TLR6: variants seen among roughly 807,000 people sequenced by gnomAD.
The protein encoded by TLR6 is toll-like receptor 6.
Under a neutral mutation model 16.1 loss-of-function variants are expected in TLR6, and 9 were observed. The ratio of observed to expected loss-of-function variants is 0.56; its 90% CI spans 0.34 to 0.98. TLR6 has a LOEUF of 0.98. TLR6 is among the 50% of genes least tolerant of loss of function. The pLI is 0.02. For synonymous variants in TLR6, 340 were observed against 338.6 expected (o/e 1.00, Z -0.04); for missense variants, 786 against 921.0 (o/e 0.85, Z 1.90).
chr4:38,829,115 A>G (rs5743808), exon 2 of TLR6: 18,014 of 1,614,110 alleles, frequency 0.011, 649 homozygotes, highest in African/African-American at 0.09. Context: ...GAAACTCACA[A>G]TAGGATGGCA....
intron 1 of TLR6, among the ~76,000 whole-genome samples, chr4:38,849,957 C>T (rs1350606849): frequency 6.6e-6 from 1 of 151,614 alleles, no homozygotes; most frequent in African/African-American, 2.4e-5. Flanking sequence ...CCACACTGCA[C>T]TTATTGATAA....
upstream of TLR6, among the ~76,000 whole-genome samples, chr4:38,861,568 C>T (rs1441921855): frequency 7.9e-5 from 12 of 152,202 alleles, no homozygotes; most frequent in Non-Finnish European, 1.5e-4. Flanking sequence ...AAATCCAGCT[C>T]TCCACTGGAC....
chr4:38,851,226 T>C (rs1306055556), intron 1 of TLR6, among the ~76,000 whole-genome samples: 2 of 152,192 alleles, frequency 1.3e-5, no homozygotes, highest in East Asian at 1.9e-4. Context: ...TGATGGGACG[T>C]ATCTCAAAAT....
exon 2 of TLR6, chr4:38,826,408 T>C (rs1727545785): frequency 6.6e-6 from 1 of 152,184 alleles, no homozygotes; most frequent in South Asian, 2.1e-4. Flanking sequence ...AAAAGTCCCA[T>C]TCAATATCCA....
intron 1 of TLR6, among the ~76,000 whole-genome samples, chr4:38,844,852 G>A (rs1712449671): frequency 6.6e-6 from 1 of 152,082 alleles, no homozygotes; most frequent in South Asian, 2.1e-4. Context: ...TAAGGAGTTC[G>A]AGACCAGCCT....
intron 1 of TLR6, among the ~76,000 whole-genome samples, chr4:38,837,569 C>G (rs1234366032): frequency 6.6e-6 from 1 of 152,158 alleles, no homozygotes; most frequent in African/African-American, 2.4e-5. Context: ...AACTAGACCC[C>G]TATCTCTCAC....
chr4:38,844,319 G>T (rs182643210), intron 1 of TLR6, among the ~76,000 whole-genome samples: 54 of 152,320 alleles, frequency 3.5e-4, no homozygotes, highest in Middle Eastern at 3.4e-3. Context: ...GTTGGGCAAC[G>T]ATAGGAGAAG....
upstream of TLR6, among the ~76,000 whole-genome samples, chr4:38,860,669 C>T (rs1050492649): frequency 6.6e-5 from 10 of 151,780 alleles, no homozygotes; most frequent in African/African-American, 1.9e-4. Context: ...AACCCCAATG[C>T]GGGGAAATGA....
exon 2 of TLR6, chr4:38,827,981 G>A: frequency 2.5e-6 from 4 of 1,614,128 alleles, no homozygotes; most frequent in Non-Finnish European, 3.4e-6. Context: ...GATCAATACA[G>A]AAAGGCTGCT....
At chr4:38,829,366 T>C (rs780382205) in exon 2 of TLR6, 2 of 1,614,136 alleles carry the variant, frequency 1.2e-6, no homozygotes, top group South Asian at 2.2e-5. Flanking sequence ...TTGACTTGTC[T>C]ACTGCAAATT....
intron 1 of TLR6, among the ~76,000 whole-genome samples, chr4:38,852,610 G>T (rs1712813508): frequency 1.3e-5 from 2 of 152,120 alleles, no homozygotes; most frequent in Non-Finnish European, 2.9e-5. Flanking sequence ...CATTTATGCA[G>T]CCAAAAGACA....
chr4:38,831,034 A>C (rs1173775079), intron 1 of TLR6, among the ~76,000 whole-genome samples: 2 of 151,990 alleles, frequency 1.3e-5, no homozygotes, highest in Non-Finnish European at 2.9e-5. Flanking sequence ...ACAGGAAAAA[A>C]AAAAAAAAGA....
At chr4:38,834,351 A>G (rs1226407495) in intron 1 of TLR6, among the ~76,000 whole-genome samples, 1 of 96,134 alleles carries the variant, frequency 1.0e-5, no homozygotes, top group East Asian at 4.7e-4. Context: ...CAGTGAGGCG[A>G]AAAAAAAAAA....
chr4:38,835,621 C>G (rs1463610798), intron 1 of TLR6, among the ~76,000 whole-genome samples: 1 of 152,162 alleles, frequency 6.6e-6, no homozygotes, highest in African/African-American at 2.4e-5. Context: ...ACAAAATGGA[C>G]CTAACAGATA....
exon 2 of TLR6, chr4:38,826,105 G>C (rs754377590): frequency 5.9e-5 from 9 of 152,246 alleles, no homozygotes; most frequent in Admixed American, 2.6e-4. Flanking sequence ...CTGTTACTCT[G>C]CAAGCTTTCA....
At chr4:38,853,842 C>T (rs530007821) in intron 1 of TLR6, among the ~76,000 whole-genome samples, 4 of 152,258 alleles carry the variant, frequency 2.6e-5, no homozygotes, top group African/African-American at 9.6e-5. Flanking sequence ...ATTTTAGTAT[C>T]TCTGTATAAT....
the TLR6 span, among the ~76,000 whole-genome samples, chr4:38,864,574 G>A: frequency 6.6e-6 from 1 of 152,234 alleles, no homozygotes; most frequent in Non-Finnish European, 1.5e-5. Flanking sequence ...GAATGTGCTA[G>A]AGCTACATGT....
At chr4:38,831,028 GAAAAA>G (rs58030836) in intron 1 of TLR6, among the ~76,000 whole-genome samples, 1 of 144,228 alleles carries the variant, frequency 6.9e-6, no homozygotes. Flanking sequence ...TCATTCACAG[GAAAAA>G]AAAAAAAAAG....
intron 1 of TLR6, among the ~76,000 whole-genome samples, chr4:38,838,077 CA>C (rs1579248583): frequency 1.3e-5 from 2 of 152,022 alleles, no homozygotes; most frequent in African/African-American, 4.8e-5. Flanking sequence ...TGGCTGTCAT[CA>C]AAAAGACAAT....
Sources: gnomAD v4.1 joint callset for allele counts (sites outside exome capture counted in the v4.1 genomes callset) on GRCh38, gnomAD v4.1.1 for gene constraint, MANE v1.5 for transcripts, NCBI Gene and HGNC (gene_info 2026-07-23, HGNC 2026-07-21) for gene names.